The following DDX20 variants were observed in gnomAD, a reference collection of about 807,000 sequenced individuals.
DDX20 encodes the protein probable ATP-dependent RNA helicase DDX20.
In DDX20, 61 loss-of-function variants were observed where a neutral mutation model predicts 76.4. The observed-to-expected ratio is 0.80, with a 90% CI of 0.65 to 0.99. The LOEUF (loss-of-function observed/expected upper bound fraction) is 0.99. DDX20 is among the 50% of genes least tolerant of loss of function. The pLI is 0.00. For missense variants in DDX20, 976 were observed against 996.8 expected (o/e 0.98, Z 0.28); for synonymous variants, 357 against 357.4 (o/e 1.00, Z 0.01).
intron 7 of DDX20, chr1:111,762,018 C>T: frequency 2.4e-6 from 1 of 414,492 alleles, no homozygotes; most frequent in Non-Finnish European, 4.3e-6. Context: ...TATATTCAGG[C>T]ATGGCCTGAT....
At chr1:111,756,295 C>A (rs1663552417) in intron 1 of DDX20, 70 bp downstream of exon 1, 4 of 1,362,474 alleles carry the variant, frequency 2.9e-6, no homozygotes, top group Non-Finnish European at 3.8e-6. Flanking sequence ...CGGCGGCGGC[C>A]AGGCCCGCGC....
Position 111,756,116 on chromosome 1 carries a change from C to T in DDX20, c.192C>T (p.Phe64=), listed in dbSNP as rs1267246651. The change falls in exon 1 of 11, where the codon TTC becomes TTT. Residue 64 remains phenylalanine (F), a synonymous_variant. Coordinates refer to ENST00000369702, the MANE Select transcript of DDX20 (RefSeq NM_007204.5). ...GDVLLAEPAD[F]ESLLLSRPVL... is the part of the protein sequence containing the mutation. ...TGCTGTTGGCGGAGCCGGCCGACTT[C>T]GAGTCACTGCTGCTTTCGCGGCCGG... The T allele has an allele frequency of 4.4e-6, 7 of 1,595,278 alleles. No homozygotes were observed. Among genetic ancestry groups the T allele is most frequent in the East Asian group, 2.2e-5 (1 of 44,634 alleles).
chr1:111,756,887 A>C, intron 2 of DDX20, 147 bp downstream of exon 2: 1 of 644,786 alleles, frequency 1.6e-6, no homozygotes, highest in South Asian at 1.9e-5. Context: ...GGAATTTTCT[A>C]TGCGTACCTT....
Position 111,760,707 on chromosome 1 carries a change from T to C in DDX20, c.682T>C (p.Trp228Arg). 1 of 1,606,630 alleles carries C rather than the reference T, an allele frequency of 6.2e-7. No homozygotes were observed. Among genetic ancestry groups the C allele is most frequent in the Non-Finnish European group, 8.5e-7 (1 of 1,177,906 alleles). The change falls in exon 5 of 11, where the codon TGG (tryptophan) becomes CGG (arginine). Residue 228 changes from tryptophan to arginine, a missense_variant and splice_region_variant. Transcript: ENST00000369702. Reference protein sequence around the residue: ...EEGSFQEQINWIYSSLPASKQ... With the variant: ...EEGSFQEQINRIYSSLPASKQ... ...ATGGTATCTGTTTTTATTTTGCAGT[T>C]GGATTTATTCTTCCTTGCCTGCCAG...
In DDX20 at chr1:111,756,233, C is replaced by T. The variant is rs1663550251; in HGVS notation, c.301+8C>T. On this transcript the variant is annotated splice_region_variant and intron_variant, in intron 1 of 10. Transcript: ENST00000369702. ...TGGGGCGCTGCGGGCTCGGTGAGAG[C>T]GGGGGCCCGGGATAGGTCGGGGGGT... is the stretch of plus-strand genomic sequence containing the variant. 8 of 866,626 alleles carry T rather than the reference C, an allele frequency of 9.2e-6. No homozygotes were observed. Among genetic ancestry groups the T allele is most frequent in the Non-Finnish European group, 1.2e-5 (8 of 648,670 alleles). 53.7% of individuals were successfully genotyped at this position (866,626 alleles called of 1,614,324 possible).
In DDX20 at chr1:111,759,407, T is replaced by A; in HGVS notation, c.404T>A (p.Ile135Asn). ...TTTATGGTTTTTTTTTAGATTTTGA[T>A]CTTGGCTCCTACAAGAGAAATTGCT... ...VLENLSTQIL[I>N]LAPTREIAVQ... The change falls in exon 3 of 11, where the codon ATC becomes AAC. Residue 135 changes from isoleucine (I) to asparagine (N), a missense_variant. Physicochemically the swap from Ile to Asn is moderately radical, Grantham distance 149. This residue lies in a region of DDX20 where 343 missense variants were observed against 286.4 expected (regional missense o/e 1.20). Coordinates refer to ENST00000369702, the MANE Select transcript of DDX20 (RefSeq NM_007204.5). 1.3e-6 allele frequency: 2 copies of A among 1,599,466 alleles called. No individual in the cohort carries two copies. The highest frequency in any genetic ancestry group is 1.7e-6 in the Non-Finnish European group (2 of 1,175,306).
rs1407067669 is a variant in DDX20, at chr1:111,759,400, A to T, written c.397A>T (p.Ile133Phe). 5.6e-6 allele frequency: 9 copies of T among 1,592,936 alleles called. No individual in the cohort carries two copies. Among genetic ancestry groups the T allele is most frequent in the Admixed American group, 3.6e-5 (2 of 55,154 alleles). Residue 133 changes from isoleucine to phenylalanine, a missense_variant and splice_region_variant, in exon 3 of 11, where the codon ATT becomes TTT. Coordinates refer to ENST00000369702, the MANE Select transcript of DDX20 (RefSeq NM_007204.5). ...GGTGTAATTTATGGTTTTTTTTTAG[A>T]TTTTGATCTTGGCTCCTACAAGAGA... The part of the protein sequence containing the change: ...SLVLENLSTQ[I>F]LILAPTREIA...
chr1:111,762,995 C>T lies in DDX20; in HGVS notation c.1300C>T (p.Leu434Phe), dbSNP rs773871744. The T allele has an allele frequency of 1.7e-5, 27 of 1,610,522 alleles. No homozygotes were observed. In the South Asian group the frequency reaches 2.8e-4, roughly 16 times the overall value. The change falls in exon 10 of 11, where the codon CTC becomes TTC. Residue 434 changes from leucine (L) to phenylalanine (F), a missense_variant. Physicochemically the swap from Leu to Phe is conservative, Grantham distance 22. Transcript: ENST00000369702. ...RIAQKCNINL[L>F]PLPDPIPSGL... ...TGCCCAGAAATGTAATATCAACCTT[C>T]TCCCTTTACCAGGTACATTTCATCT...
In DDX20 at chr1:111,756,122, A is replaced by AGG; in HGVS notation, c.198_199insGG (p.Leu67GlyfsTer37). ...TGGCGGAGCCGGCCGACTTCGAGTC[A>AGG]CTGCTGCTTTCGCGGCCGGTGCTGG... is the stretch of plus-strand genomic sequence containing the variant. On this transcript the variant is annotated frameshift_variant, in exon 1 of 11. Coordinates refer to ENST00000369702, the MANE Select transcript of DDX20 (RefSeq NM_007204.5). LOFTEE classifies it high-confidence loss of function. 1 of 1,593,386 alleles carries AGG rather than the reference A, an allele frequency of 6.3e-7. No individual in the cohort carries two copies.
intron 3 of DDX20, among the ~76,000 whole-genome samples, chr1:111,759,992 AAAAG>A (rs1285880972): frequency 1.4e-5 from 2 of 139,464 alleles, no homozygotes; most frequent in Non-Finnish European, 3.0e-5. Context: ...AAAAAAAAAA[AAAAG>A]AAATGAAGAG....
At position 111,767,080 on chromosome 1, in the gene DDX20, A is replaced by G. The variant is rs1571613769; in HGVS notation, c.*181A>G. On this transcript the variant is annotated 3_prime_UTR_variant, in exon 11 of 11. Transcript: ENST00000369702. ...TGTTTTGATTTAGGCCAGGTATATT[A>G]TCTTCATTTTTAAGAGTTTCTTTAA... The G allele has an allele frequency of 3.8e-5, 17 of 444,966 alleles. No homozygotes were observed. Among genetic ancestry groups the G allele is most frequent in the East Asian group, 3.0e-4 (9 of 30,340 alleles). 27.6% of individuals were successfully genotyped at this position (444,966 alleles called of 1,614,324 possible).
chr1:111,764,006 CAT>C (rs1663726425), intron 10 of DDX20, among the ~76,000 whole-genome samples: 1 of 151,984 alleles, frequency 6.6e-6, no homozygotes, highest in Non-Finnish European at 1.5e-5. Context: ...GAAAAATACA[CAT>C]ATAGGTCACG....
At position 111,759,574 on chromosome 1, in the gene DDX20, A is replaced by G. The variant is rs1368258893; in HGVS notation, c.565+6A>G. On this transcript the variant is annotated splice_donor_region_variant and intron_variant, in intron 3 of 10. Transcript: ENST00000369702. Reference sequence around the variant, plus strand: ...TATTGCTGTTGGATCTCCTGGTAAGATAACAATGCCTGTTGGTAACCAGGG... The same window carrying G: ...TATTGCTGTTGGATCTCCTGGTAAGGTAACAATGCCTGTTGGTAACCAGGG... 1.9e-6 allele frequency: 3 copies of G among 1,610,432 alleles called. No individual in the cohort carries two copies. Among genetic ancestry groups the G allele is most frequent in the South Asian group, 1.1e-5 (1 of 90,132 alleles).
Position 111,765,861 on chromosome 1 carries a change from A to G in DDX20, c.1437A>G (p.Ile479Met). The G allele has an allele frequency of 1.2e-6, 2 of 1,614,092 alleles. No individual in the cohort carries two copies. Among genetic ancestry groups the G allele is most frequent in the South Asian group, 1.1e-5 (1 of 91,088 alleles). The change falls in exon 11 of 11, where the codon ATA becomes ATG. Residue 479 changes from isoleucine (I) to methionine (M), a missense_variant. Around this residue, in one of 3 missense-constraint regions of DDX20, gnomAD observed 630 missense variants for 693.7 expected, o/e 0.91. Transcript: ENST00000369702. ...CCTTAAAAAAGCAAATTCAGAAAAT[A>G]GAGAGAACCCTTCAAATTCAGAAAG... ...NQPLKKQIQK[I>M]ERTLQIQKAH... is the part of the protein sequence containing the mutation.
intron 7 of DDX20, 75 bp from the exon 8 acceptor site, chr1:111,762,180 T>C (rs1190531539): frequency 6.5e-6 from 8 of 1,225,984 alleles, no homozygotes; most frequent in Non-Finnish European, 9.4e-6. Flanking sequence ...TGTTATGCTT[T>C]TTACTTTTTG....
In DDX20 at chr1:111,760,833, G is replaced by A. The variant is rs779055263; in HGVS notation, c.808G>A (p.Asp270Asn). The part of the protein sequence containing the change: ...DPTFVRLNSS[D>N]PSLIGLKQYY... ...CACTTTTGTAAGACTGAATTCCAGTGATCCAAGTCTCATAGGTGTGTACAG... is the reference window on the plus strand; with the variant it reads ...CACTTTTGTAAGACTGAATTCCAGTAATCCAAGTCTCATAGGTGTGTACAG... The change falls in exon 5 of 11, where the codon GAT becomes AAT. Residue 270 changes from aspartate (D) to asparagine (N), a missense_variant. By Grantham distance (23) the Asp-to-Asn change is conservative. Around this residue, in one of 3 missense-constraint regions of DDX20, gnomAD observed 630 missense variants for 693.7 expected, o/e 0.91. Coordinates refer to ENST00000369702, the MANE Select transcript of DDX20 (RefSeq NM_007204.5). 1 of 1,612,446 alleles carries A rather than the reference G, an allele frequency of 6.2e-7. No individual in the cohort carries two copies. The highest frequency in any genetic ancestry group is 8.5e-7 in the Non-Finnish European group (1 of 1,179,556).
In DDX20 at chr1:111,766,946, C is replaced by T. The variant is rs1663796013; in HGVS notation, c.*47C>T. 1 of 1,435,224 alleles carries T rather than the reference C, an allele frequency of 7.0e-7. No homozygotes were observed. Among genetic ancestry groups the T allele is most frequent in the Admixed American group, 1.8e-5 (1 of 56,714 alleles). 88.9% of individuals were successfully genotyped at this position (1,435,224 alleles called of 1,614,324 possible). A position where few individuals can be genotyped will look rare whatever the true frequency, so the allele number is the denominator to read the frequency against. ...ATCAGGAACTGTCAACAAATGATACCTTTGGATATCCATCCTCCTCGACTT... is the reference window on the plus strand; with the variant it reads ...ATCAGGAACTGTCAACAAATGATACTTTTGGATATCCATCCTCCTCGACTT... On this transcript the variant is annotated 3_prime_UTR_variant, in exon 11 of 11. Coordinates refer to ENST00000369702, the MANE Select transcript of DDX20 (RefSeq NM_007204.5).
At chr1:111,765,394 A>G (rs1369193725) in intron 10 of DDX20, among the ~76,000 whole-genome samples, 2 of 152,134 alleles carry the variant, frequency 1.3e-5, no homozygotes, top group African/African-American at 2.4e-5. Context: ...TGCTGTCAGA[A>G]GTATTGAGAT....
intron 1 of DDX20, 30 bp from the exon 2 acceptor site, chr1:111,756,616 G>T: frequency 6.3e-7 from 1 of 1,599,610 alleles, no homozygotes; most frequent in Non-Finnish European, 8.6e-7. Flanking sequence ...GTGAGTACTG[G>T]CTAGTGATAA....
Sources: allele counts gnomAD v4.1 joint callset (sites outside exome capture counted in the v4.1 genomes callset), GRCh38; gene constraint gnomAD v4.1.1; regional missense constraint gnomAD v4.1.1; transcripts MANE v1.5; gene names NCBI Gene and HGNC (gene_info 2026-07-23, HGNC 2026-07-21).